Variants in EGFR observed in about 807,000 individuals in gnomAD.
EGFR encodes avian erythroblastic leukemia viral (v-erb-b) oncogene homolog.
EGFR carries 58 observed loss-of-function variants against 143.0 expected under a neutral mutation model. The observed-to-expected ratio is 0.41, with a 90% confidence interval of 0.33 to 0.50. The LOEUF is 0.50. Ranked by LOEUF, EGFR falls within the 20% of genes least tolerant of loss-of-function variation. The pLI is 0.39. For synonymous variants in EGFR, 613 were observed against 594.4 expected (o/e 1.03, Z -0.45); for missense variants, 1,307 against 1,579.0 (o/e 0.83, Z 2.92).
At position 55,211,605 on chromosome 7, in the gene EGFR, T is replaced by C. The variant is rs1211463236; in HGVS notation, c.*5988T>C. ...TTTACTCCTGAGTACCTTATAATAA[T>C]AATAATGTATTCTTTGTTAACAATG... On this transcript the variant is annotated 3_prime_UTR_variant, in exon 28 of 28. Transcript: ENST00000275493. The C allele has an allele frequency of 6.6e-6, 1 of 152,182 alleles. No homozygotes were observed. Among genetic ancestry groups the C allele is most frequent in the Non-Finnish European group, 1.5e-5 (1 of 68,044 alleles). The allele number at this position is 152,182 out of a possible 1,614,324, so 9.4% of individuals were successfully genotyped here. A position where few individuals can be genotyped will look rare whatever the true frequency, so the allele number is the denominator to read the frequency against.
At chr7:55,134,109 A>G (rs1242297944) in intron 1 of EGFR, among the ~76,000 whole-genome samples, 1 of 152,144 alleles carries the variant, frequency 6.6e-6, no homozygotes, top group Non-Finnish European at 1.5e-5. Flanking sequence ...CCTTTCTCCA[A>G]TGTCCCCTGC....
chr7:55,153,471 G>A (rs976318313), intron 6 of EGFR, among the ~76,000 whole-genome samples: 2 of 152,208 alleles, frequency 1.3e-5, no homozygotes, highest in African/African-American at 4.8e-5. Flanking sequence ...CCCAGACCCA[G>A]GAATTGTGAC....
At chr7:55,110,553 G>A (rs548944912) in intron 1 of EGFR, among the ~76,000 whole-genome samples, 1 of 152,280 alleles carries the variant, frequency 6.6e-6, no homozygotes, top group Non-Finnish European at 1.5e-5. Context: ...AATGTCTTAC[G>A]ATCATTAAAT....
At chr7:55,100,320 A>G (rs1316078934) in intron 1 of EGFR, among the ~76,000 whole-genome samples, 1 of 152,230 alleles carries the variant, frequency 6.6e-6, no homozygotes. Flanking sequence ...GCTCACTGTC[A>G]TCAGATTGCT....
chr7:55,067,735 C>A (rs569447663), intron 1 of EGFR, among the ~76,000 whole-genome samples: 1 of 151,476 alleles, frequency 6.6e-6, no homozygotes, highest in African/African-American at 2.4e-5. Flanking sequence ...TTCATATGCA[C>A]GTACATTGTA....
At chr7:55,116,311 T>G (rs1036322369) in intron 1 of EGFR, among the ~76,000 whole-genome samples, 2 of 152,128 alleles carry the variant, frequency 1.3e-5, no homozygotes, top group African/African-American at 4.8e-5. Context: ...AATGCGCACA[T>G]CCCACCCCTG....
intron 1 of EGFR, among the ~76,000 whole-genome samples, chr7:55,039,232 G>A (rs1787768900): frequency 6.6e-6 from 1 of 152,186 alleles, no homozygotes; most frequent in African/African-American, 2.4e-5. Flanking sequence ...TTTACTAAGG[G>A]CATCAGTAAG....
intron 21 of EGFR, among the ~76,000 whole-genome samples, chr7:55,192,520 G>C (rs1787444443): frequency 6.6e-6 from 1 of 152,180 alleles, no homozygotes; most frequent in South Asian, 2.1e-4. Context: ...GGCACAACCA[G>C]GGCTCCCAGC....
At chr7:55,032,589 G>T (rs1271072102) in intron 1 of EGFR, among the ~76,000 whole-genome samples, 1 of 152,186 alleles carries the variant, frequency 6.6e-6, no homozygotes, top group Non-Finnish European at 1.5e-5. Flanking sequence ...ATCAGGGACA[G>T]CTAGCTTTGC....
At chr7:55,205,177 ACAGGGTTCAGAACC>A in intron 27 of EGFR, 65 bp from the exon 28 acceptor site, 3 of 1,577,808 alleles carry the variant, frequency 1.9e-6, no homozygotes, top group Non-Finnish European at 2.6e-6. Context: ...GAGGACATTC[ACAGGGTTCAGAACC>A]CAGGGATCCT....
At chr7:55,194,820 G>A (rs377092798) in intron 22 of EGFR, among the ~76,000 whole-genome samples, 7 of 152,312 alleles carry the variant, frequency 4.6e-5, no homozygotes, top group South Asian at 4.1e-4. Context: ...AGGCTGCCAC[G>A]GCAGATTATA....
rs766193740 is a variant in EGFR at position 55,181,367 on chromosome 7, G to A, written c.2358G>A (p.Val786=). ...TGGGCATCTGCCTCACCTCCACCGT[G>A]CAGCTCATCACGCAGCTCATGCCCT... ...RLLGICLTST[V]QLITQLMPFG... is the part of the protein sequence containing the mutation. Residue 786 remains valine (V), a synonymous_variant, in exon 20 of 28, where the codon GTG becomes GTA. Coordinates refer to ENST00000275493, the MANE Select transcript of EGFR (RefSeq NM_005228.5). The A allele has an allele frequency of 6.2e-7, 1 of 1,614,210 alleles. No homozygotes were observed. Among genetic ancestry groups the A allele is most frequent in the Non-Finnish European group, 8.5e-7 (1 of 1,180,042 alleles).
rs151212829 is a variant in EGFR, at chr7:55,171,984, C to T, written c.1919+771C>T. ...CGAGTTGACAGCCATAGCTCTCTCT[C>T]CTGCCACCAGTGTCACATGATCGAG... On this transcript the variant is annotated intron_variant, in intron 16 of 27. Transcript: ENST00000275493. 1.1e-3 allele frequency among the ~76,000 whole-genome samples: 167 copies of T among 152,302 alleles called. 1 individual carries two copies. The highest frequency in any genetic ancestry group is 3.9e-3 in the African/African-American group (163 of 41,564).
At chr7:55,181,580 G>T in intron 20 of EGFR, 102 bp downstream of exon 20, 1 of 1,380,448 alleles carries the variant, frequency 7.2e-7, no homozygotes, top group Non-Finnish European at 1.0e-6. Context: ...GGGGATATGT[G>T]TGTGCGTGCA....
chr7:55,099,394 C>T (rs915223835), intron 1 of EGFR, among the ~76,000 whole-genome samples: 1 of 152,202 alleles, frequency 6.6e-6, no homozygotes, highest in African/African-American at 2.4e-5. Context: ...TTAAAAACCT[C>T]CACTTGGCTG....
At chr7:55,137,179 G>T (rs1794190868) in intron 1 of EGFR, among the ~76,000 whole-genome samples, 1 of 152,164 alleles carries the variant, frequency 6.6e-6, no homozygotes, top group South Asian at 2.1e-4. Flanking sequence ...GTACCTCGAA[G>T]ATGCAAAGGA....
intron 20 of EGFR, among the ~76,000 whole-genome samples, chr7:55,186,737 GA>G (rs1787154764): frequency 6.6e-6 from 1 of 152,154 alleles, no homozygotes; most frequent in South Asian, 2.1e-4. Flanking sequence ...AGCATCACAT[GA>G]AATACATATA....
intron 6 of EGFR, among the ~76,000 whole-genome samples, chr7:55,153,133 G>A (rs571283063): frequency 6.6e-6 from 1 of 152,350 alleles, no homozygotes; most frequent in Non-Finnish European, 1.5e-5. Context: ...CTTGCTGGCT[G>A]GGGCTGGGTT....
At chr7:55,142,210 G>A (rs2128925975) in intron 1 of EGFR, 76 bp from the exon 2 acceptor site, 1 of 1,574,922 alleles carries the variant, frequency 6.3e-7, no homozygotes, top group Non-Finnish European at 8.7e-7. Context: ...TTAATACCTG[G>A]ACCTTGAGGG....
Sources: allele counts gnomAD v4.1 joint callset (sites outside exome capture counted in the v4.1 genomes callset), GRCh38; gene constraint gnomAD v4.1.1; transcripts MANE v1.5; gene names NCBI Gene and HGNC (gene_info 2026-07-23, HGNC 2026-07-21).